The following ACE variants were observed in gnomAD, a reference collection of about 807,000 sequenced individuals.
ACE encodes the protein angiotensin I converting enzyme, also known as angiotensin-converting enzyme.
In ACE, 122 loss-of-function variants were observed where a neutral mutation model predicts 162.3. The observed-to-expected ratio is 0.75, with a 90% CI of 0.65 to 0.87. ACE has a LOEUF of 0.87. Ranked by LOEUF, ACE falls within the 40% of genes least tolerant of loss-of-function variation. The probability of loss-of-function intolerance (pLI) is 0.00; values close to 1 mark genes in which losing one functional copy is unlikely to be tolerated. For missense variants in ACE, 1,799 were observed against 1,735.1 expected (o/e 1.04, Z -0.65); for synonymous variants, 796 against 720.6 (o/e 1.10, Z -1.68).
At chr17:63,482,799 C>T (rs2049732891) in intron 8 of ACE, 110 bp downstream of exon 8, 1 of 1,281,526 alleles carries the variant, frequency 7.8e-7, no homozygotes, top group African/African-American at 1.5e-5. Flanking sequence ...GCCTCCCGGC[C>T]CCAGGTCAGG....
chr17:63,488,821 C>CT (rs1199504742), intron 16 of ACE, 30 bp downstream of exon 16: 10 of 1,614,096 alleles, frequency 6.2e-6, no homozygotes, highest in Non-Finnish European at 8.5e-6. Flanking sequence ...ATCACTGGCA[C>CT]TTGGGTCCCT....
rs368447908 is a variant in ACE, at chr17:63,486,694, G to C, written c.2196G>C (p.Leu732=). The C allele has an allele frequency of 1.9e-5, 30 of 1,614,106 alleles. No individual in the cohort carries two copies. The highest frequency in any genetic ancestry group is 2.4e-5 in the Non-Finnish European group (28 of 1,180,044). Reference sequence around the variant, plus strand: ...TTCAGGACCTAGAACGGGCAGCACTGCCTGCCCAGGAGCTGGAGGAGGTGT... The same window carrying C: ...TTCAGGACCTAGAACGGGCAGCACTCCCTGCCCAGGAGCTGGAGGAGGTGT... ...KKVQDLERAA[L]PAQELEEYNK... Residue 732 remains leucine, a synonymous_variant, in exon 14 of 25, where the codon CTG becomes CTC. Coordinates refer to ENST00000290866, the MANE Select transcript of ACE (RefSeq NM_000789.4).
In ACE at chr17:63,491,161, G is replaced by A; in HGVS notation, c.2740-48G>A. On this transcript the variant is annotated intron_variant, in intron 18 of 24. Transcript: ENST00000290866. The surrounding 1 kb of genome is among the most constrained non-coding windows in gnomAD (Gnocchi z 4.4). ...CCCGGGATCCCCACGGCAGCACGCA[G>A]TCTGTCCCCGGAACCCCCAGTTTGG... 1 of 1,612,584 alleles carries A rather than the reference G, an allele frequency of 6.2e-7. No homozygotes were observed. The highest frequency in any genetic ancestry group is 8.5e-7 in the Non-Finnish European group (1 of 1,179,576).
Position 63,482,567 on chromosome 17 carries a change from C to T in ACE, c.1220C>T (p.Ser407Phe), listed in dbSNP as rs570424963. The change falls in exon 8 of 25, where the codon TCC (serine) becomes TTC (phenylalanine). Residue 407 changes from serine (S) to phenylalanine (F), a missense_variant. Ser to Phe is a radical substitution (Grantham distance 155, BLOSUM62 -2). Coordinates refer to ENST00000290866, the MANE Select transcript of ACE (RefSeq NM_000789.4). The part of the protein sequence containing the change: ...YYLQYKDLPV[S>F]LRRGANPGFH... ...CTGCAGTACAAGGATCTGCCCGTCT[C>T]CCTGCGTCGGGGGGCCAACCCCGGC... The T allele has an allele frequency of 1.4e-5, 23 of 1,614,144 alleles. No individual in the cohort carries two copies. Among genetic ancestry groups the T allele is most frequent in the Non-Finnish European group, 1.8e-5 (21 of 1,180,026 alleles).
intron 17 of ACE, chr17:63,490,590 T>C (rs1231114191): frequency 1.8e-5 from 6 of 328,142 alleles, no homozygotes; most frequent in Non-Finnish European, 5.9e-6. Flanking sequence ...ATTCACACAA[T>C]GTTCTTGGTG....
Position 63,491,509 on chromosome 17 carries a change from G to T in ACE, c.2912+128G>T. 8.1e-7 allele frequency: 1 copy of T among 1,237,130 alleles called. No homozygotes were observed. Among genetic ancestry groups the T allele is most frequent in the East Asian group, 2.4e-5 (1 of 41,838 alleles). 76.6% of individuals were successfully genotyped at this position (1,237,130 alleles called of 1,614,324 possible). A position where few individuals can be genotyped will look rare whatever the true frequency, so the allele number is the denominator to read the frequency against. On this transcript the variant is annotated intron_variant, in intron 19 of 24. Transcript: ENST00000290866. This position sits in a 1 kb window ranked among gnomAD's most constrained non-coding sequence, Gnocchi z 4.4. ...CAGGATGGGGACAGGGCCAGAGTTT[G>T]GGACTGAGTGTCTAGAGAGGTGTTG... is the stretch of plus-strand genomic sequence containing the variant.
intron 14 of ACE, 70 bp from the exon 15 acceptor site, chr17:63,486,916 G>T (rs1050911960): frequency 2.0e-6 from 3 of 1,497,176 alleles, no homozygotes; most frequent in Non-Finnish European, 1.9e-6. Context: ...ATGGGGCCTG[G>T]GGGTAGTGCA....
chr17:63,483,208 T>C (rs931637235), intron 9 of ACE, 35 bp downstream of exon 9: 1 of 1,612,072 alleles, frequency 6.2e-7, no homozygotes, highest in Non-Finnish European at 8.5e-7. Context: ...TCGCCCCAGC[T>C]AGCCCTCCCC....
rs750174798 is a variant in ACE at position 63,484,977 on chromosome 17, T to C, written c.1922-259T>C. 6.2e-7 allele frequency: 1 copy of C among 1,608,270 alleles called. No homozygotes were observed. Among genetic ancestry groups the C allele is most frequent in the South Asian group, 1.1e-5 (1 of 89,870 alleles). On this transcript the variant is annotated intron_variant, in intron 12 of 24. Coordinates refer to ENST00000290866, the MANE Select transcript of ACE (RefSeq NM_000789.4). This position sits in a 1 kb window ranked among gnomAD's most constrained non-coding sequence, Gnocchi z 4.0. ...CAGGAGGCATCCCAACAGGTGACAG[T>C]CACCCATGGGACAAGCAGCCAGGCA...
At chr17:63,489,678 C>T (rs919324526) in intron 17 of ACE, among the ~76,000 whole-genome samples, 1 of 152,174 alleles carries the variant, frequency 6.6e-6, no homozygotes, top group African/African-American at 2.4e-5. Context: ...GCGGTGAGGA[C>T]AGTAAGGGAT....
Position 63,491,221 on chromosome 17 carries a change from A to T in ACE, c.2752A>T (p.Arg918Trp). 6.2e-7 allele frequency: 1 copy of T among 1,614,066 alleles called. No homozygotes were observed. The highest frequency in any genetic ancestry group is 8.5e-7 in the Non-Finnish European group (1 of 1,180,006). ...EAMLKQGWTP[R>W]RMFKEADDFF... ...CCTCTGCTTGCAGGGCTGGACGCCCAGGAGGATGTTTAAGGAGGCTGATGA... is the reference window on the plus strand; with the variant it reads ...CCTCTGCTTGCAGGGCTGGACGCCCTGGAGGATGTTTAAGGAGGCTGATGA... The change falls in exon 19 of 25, where the codon AGG becomes TGG. Residue 918 changes from arginine (R) to tryptophan (W), a missense_variant. By Grantham distance (101) the Arg-to-Trp change is moderately radical (BLOSUM62 -3). Transcript: ENST00000290866. The surrounding 1 kb of genome is among the most constrained non-coding windows in gnomAD (Gnocchi z 4.4).
chr17:63,487,956 C>T (rs957869658), intron 15 of ACE, among the ~76,000 whole-genome samples: 5 of 152,136 alleles, frequency 3.3e-5, no homozygotes, highest in African/African-American at 1.2e-4. Flanking sequence ...GGAGGCTGGC[C>T]GGGTGTGGTG....
At position 63,483,913 on chromosome 17, in the gene ACE, G is replaced by A; in HGVS notation, c.1651G>A (p.Glu551Lys). 6.2e-7 allele frequency: 1 copy of A among 1,614,166 alleles called. No homozygotes were observed. The highest frequency in any genetic ancestry group is 8.5e-7 in the Non-Finnish European group (1 of 1,180,042). ...AGCCCTGTGCAAGGAGGCAGGCTAT[G>A]AGGGCCCACTGCACCAGTGTGACAT... ...HEALCKEAGY[E>K]GPLHQCDIYR... The change falls in exon 11 of 25, where the codon GAG (glutamate) becomes AAG (lysine). Residue 551 changes from glutamate to lysine, a missense_variant. Glu to Lys is a moderately conservative substitution (Grantham distance 56). Transcript: ENST00000290866.
chr17:63,479,197 C>T, intron 3 of ACE, 97 bp downstream of exon 3: 1 of 1,056,870 alleles, frequency 9.5e-7, no homozygotes, highest in Non-Finnish European at 1.4e-6. Flanking sequence ...TCTGTGGAGA[C>T]AGCAGGTAAA....
chr17:63,497,750 A>G lies in ACE; in HGVS notation c.*384A>G, dbSNP rs2030862163. 1 of 414,500 alleles carries G rather than the reference A, an allele frequency of 2.4e-6. No homozygotes were observed. The highest frequency in any genetic ancestry group is 2.0e-5 in the African/African-American group (1 of 49,298). The allele number at this position is 414,500 out of a possible 1,614,324, so 25.7% of individuals were successfully genotyped here. On this transcript the variant is annotated 3_prime_UTR_variant, in exon 25 of 25. Transcript: ENST00000290866. ...CCTTCAGGAGCCGGGGAGGATCCCC[A>G]GAGCTCTGCCCCAGCACCTCCTGGC...
chr17:63,479,241 G>A (rs1479999738), intron 3 of ACE, 141 bp downstream of exon 3: 6 of 738,642 alleles, frequency 8.1e-6, no homozygotes, highest in Admixed American at 6.1e-5. Flanking sequence ...GGGGCTGGAC[G>A]GTGCAGATAC....
chr17:63,482,683 G>A lies in ACE; in HGVS notation c.1336G>A (p.Asp446Asn), dbSNP rs2049730943. ...KIGLLDRVTN[D>N]TESDINYLLK... is the part of the protein sequence containing the mutation. ...CGGCCTGCTGGACCGTGTCACCAAT[G>A]ACACGGGTATGGGAGGGCTGAGAGG... Residue 446 changes from aspartate to asparagine, a missense_variant, in exon 8 of 25, where the codon GAC (aspartate) becomes AAC (asparagine). By Grantham distance (23) the Asp-to-Asn change is conservative. Transcript: ENST00000290866. 1.4e-5 allele frequency: 23 copies of A among 1,613,592 alleles called. No homozygotes were observed. Among genetic ancestry groups the A allele is most frequent in the Non-Finnish European group, 1.9e-5 (23 of 1,179,964 alleles).
At chr17:63,477,575 G>C (rs1400362468) in intron 1 of ACE, 1 of 323,184 alleles carries the variant, frequency 3.1e-6, no homozygotes, top group Non-Finnish European at 5.2e-6. Flanking sequence ...GGCCGCGCCC[G>C]CCTTCGCCGA....
At position 63,493,473 on chromosome 17, in the gene ACE, G is replaced by A; in HGVS notation, c.2950G>A (p.Val984Met). 1 of 1,614,112 alleles carries A rather than the reference G, an allele frequency of 6.2e-7. No individual in the cohort carries two copies. The highest frequency in any genetic ancestry group is 1.3e-5 in the African/African-American group (1 of 75,010). The change falls in exon 20 of 25, where the codon GTG (valine) becomes ATG (methionine). Residue 984 changes from valine to methionine, a missense_variant. Val to Met is a conservative substitution (Grantham distance 21). Transcript: ENST00000290866. ...QCTTVNLEDL[V>M]VAHHEMGHIQ... ...CACCACCGTGAACTTGGAGGACCTG[G>A]TGGTGGCCCACCACGAAATGGGCCA...
Sources: allele counts gnomAD v4.1 joint callset (sites outside exome capture counted in the v4.1 genomes callset), GRCh38; gene constraint gnomAD v4.1.1; non-coding constraint Gnocchi (gnomAD v3.1); transcripts MANE v1.5; gene names NCBI Gene and HGNC (gene_info 2026-07-23, HGNC 2026-07-21).